CCDC88C: variants seen among roughly 807,000 people sequenced by gnomAD.
CCDC88C encodes coiled-coil and HOOK domain protein 88C.
A neutral mutation model predicts 198.8 loss-of-function variants in CCDC88C; 131 were observed. The ratio of observed to expected loss-of-function variants is 0.66; its 90% CI spans 0.57 to 0.76. CCDC88C has a LOEUF of 0.76. CCDC88C is among the 30% of genes least tolerant of loss of function. CCDC88C has a pLI of 0.00. For missense variants in CCDC88C, 2,553 were observed against 2,631.6 expected, an observed-to-expected ratio of 0.97 and a Z score of 0.65; for synonymous variants, 1,166 against 1,114.7, an observed-to-expected ratio of 1.05 and a Z score of -0.92.
At chr14:91,378,311 G>T (rs1884580429) in intron 3 of CCDC88C, among the ~76,000 whole-genome samples, 1 of 152,134 alleles carries the variant, frequency 6.6e-6, no homozygotes, top group African/African-American at 2.4e-5. Flanking sequence ...TGGAAAAGCA[G>T]ACTCCACCCC....
chr14:91,294,405 C>T lies in CCDC88C; in HGVS notation c.3967-87G>A. Reference sequence around the variant, plus strand: ...CCTAGCTCCCAAAGGAAGAAGGCCACTGCACAAAGATGTTCAACGCAGCAT... The same window carrying T: ...CCTAGCTCCCAAAGGAAGAAGGCCATTGCACAAAGATGTTCAACGCAGCAT... On this transcript the variant is annotated intron_variant, in intron 22 of 29. Transcript: ENST00000389857. The T allele has an allele frequency of 1.2e-5, 18 of 1,471,802 alleles. No individual in the cohort carries two copies. In the South Asian group the frequency reaches 2.0e-4, roughly 16 times the overall value. 91.2% of individuals were successfully genotyped at this position (1,471,802 alleles called of 1,614,324 possible). A position where few individuals can be genotyped will look rare whatever the true frequency, so the allele number is the denominator to read the frequency against.
At chr14:91,365,485 G>C (rs1003406091) in intron 3 of CCDC88C, among the ~76,000 whole-genome samples, 9 of 152,340 alleles carry the variant, frequency 5.9e-5, no homozygotes, top group Admixed American at 5.2e-4. Context: ...TAGGGGGACA[G>C]GCCGCCTCAT....
At chr14:91,304,632 A>G (rs931336555) in intron 19 of CCDC88C, among the ~76,000 whole-genome samples, 10 of 152,120 alleles carry the variant, frequency 6.6e-5, no homozygotes, top group African/African-American at 2.2e-4. Context: ...AGTATACAGA[A>G]TATCTGTAAA....
At chr14:91,309,149 A>G (rs543741732) in intron 16 of CCDC88C, among the ~76,000 whole-genome samples, 27 of 152,292 alleles carry the variant, frequency 1.8e-4, no homozygotes, top group African/African-American at 5.8e-4. Flanking sequence ...GAATCACTTA[A>G]AACCAGGAGG....
intron 10 of CCDC88C, among the ~76,000 whole-genome samples, chr14:91,327,936 T>C (rs1165785533): frequency 6.6e-6 from 1 of 152,214 alleles, no homozygotes; most frequent in East Asian, 1.9e-4. Flanking sequence ...GAGAATTCAC[T>C]GTGTCCCACC....
intron 4 of CCDC88C, among the ~76,000 whole-genome samples, chr14:91,348,054 A>G (rs923139885): frequency 6.6e-5 from 10 of 152,142 alleles, no homozygotes; most frequent in Non-Finnish European, 1.5e-4. Context: ...CACCCAGGCT[A>G]GAGTGCAGTG....
Position 91,339,625 on chromosome 14 carries a change from G to GGTGAAATATTTA in CCDC88C, c.625-175_625-164dup, listed in dbSNP as rs1191745969. 6.6e-6 allele frequency among the ~76,000 whole-genome samples: 1 copy of GGTGAAATATTTA among 152,218 alleles called. No individual in the cohort carries two copies. Among genetic ancestry groups the GGTGAAATATTTA allele is most frequent in the African/African-American group, 2.4e-5 (1 of 41,456 alleles). On this transcript the variant is annotated intron_variant, in intron 7 of 29. Coordinates refer to ENST00000389857, the MANE Select transcript of CCDC88C (RefSeq NM_001080414.4). This position sits in a 1 kb window ranked among gnomAD's most constrained non-coding sequence, Gnocchi z 5.8. ...AAGGCTGGCATGGGTTTTGAAAAGA[G>GGTGAAATATTTA]GTGAAATATTTAGTGAAACAAAAGG... is the stretch of plus-strand genomic sequence containing the variant.
chr14:91,343,526 C>A, intron 5 of CCDC88C, 73 bp downstream of exon 5: 1 of 1,592,684 alleles, frequency 6.3e-7, no homozygotes, highest in South Asian at 1.1e-5. Flanking sequence ...GCTAAGGGCT[C>A]GGTCAAGTCC....
chr14:91,279,261 T>C lies in CCDC88C; in HGVS notation c.4745A>G (p.Asn1582Ser). The C allele has an allele frequency of 3.7e-6, 6 of 1,601,844 alleles. No individual in the cohort carries two copies. The highest frequency in any genetic ancestry group is 2.3e-5 in the South Asian group (2 of 88,846). Residue 1582 changes from asparagine to serine, a missense_variant, in exon 28 of 30, where the codon AAC becomes AGC. By Grantham distance (46) the Asn-to-Ser change is conservative. Transcript: ENST00000389857. Reference protein sequence around the residue: ...SLESSRNTSSNSSPLNLKGSS... With the variant: ...SLESSRNTSSSSSPLNLKGSS... ...ACCTTTTAGGTTAAGAGGTGAGCTG[T>C]TGCTGGATGTGTTTCTACTGCTCTC...
At chr14:91,392,308 A>C (rs1885554681) in intron 3 of CCDC88C, among the ~76,000 whole-genome samples, 1 of 152,152 alleles carries the variant, frequency 6.6e-6, no homozygotes, top group Non-Finnish European at 1.5e-5. Context: ...ACAAAACAAA[A>C]GCAACAACAA....
In CCDC88C at chr14:91,294,284, T is replaced by A; in HGVS notation, c.4001A>T (p.Glu1334Val). Residue 1334 changes from glutamate (E) to valine (V), a missense_variant, in exon 23 of 30, where the codon GAA (glutamate) becomes GTA (valine). By Grantham distance (121) the Glu-to-Val change is moderately radical. This residue lies in a region of CCDC88C where 1,293 missense variants were observed against 1,219.6 expected (regional missense o/e 1.06). Coordinates refer to ENST00000389857, the MANE Select transcript of CCDC88C (RefSeq NM_001080414.4). ...LSRLKGNLEEENHHLLSQIQL... is the reference protein window; with the variant it reads ...LSRLKGNLEEVNHHLLSQIQL... ...GATCTGGCTCAGGAGGTGATGATTT[T>A]CTTCCTCCAAGTTCCCCTTGAGACG... 1 of 1,614,028 alleles carries A rather than the reference T, an allele frequency of 6.2e-7. No individual in the cohort carries two copies. The highest frequency in any genetic ancestry group is 8.5e-7 in the Non-Finnish European group (1 of 1,179,892).
In CCDC88C at chr14:91,272,528, A is replaced by G; in HGVS notation, c.*97T>C. ...GTGGGAACCCCTTTCCTCATTCCAA[A>G]CCCTCTCCTGGCACCGCAGGCAAGC... On this transcript the variant is annotated 3_prime_UTR_variant, in exon 30 of 30. Coordinates refer to ENST00000389857, the MANE Select transcript of CCDC88C (RefSeq NM_001080414.4). 1 of 1,310,412 alleles carries G rather than the reference A, an allele frequency of 7.6e-7. No individual in the cohort carries two copies. Among genetic ancestry groups the G allele is most frequent in the Admixed American group, 2.1e-5 (1 of 48,486 alleles). 81.2% of individuals were successfully genotyped at this position (1,310,412 alleles called of 1,614,324 possible). A position where few individuals can be genotyped will look rare whatever the true frequency, so the allele number is the denominator to read the frequency against.
chr14:91,401,099 G>A (rs948643992), intron 3 of CCDC88C, among the ~76,000 whole-genome samples: 3 of 151,334 alleles, frequency 2.0e-5, no homozygotes, highest in Admixed American at 6.6e-5. Flanking sequence ...ATAATGATAC[G>A]AGCCACACTT....
chr14:91,375,601 C>G (rs982680449), intron 3 of CCDC88C, among the ~76,000 whole-genome samples: 2 of 152,120 alleles, frequency 1.3e-5, no homozygotes, highest in African/African-American at 4.8e-5. Flanking sequence ...CTCTGGCTTC[C>G]CCGCAGGGCC....
intron 13 of CCDC88C, among the ~76,000 whole-genome samples, chr14:91,317,466 T>C (rs1892149824): frequency 6.6e-6 from 1 of 152,206 alleles, no homozygotes; most frequent in African/African-American, 2.4e-5. Flanking sequence ...ACAGCCTGCC[T>C]CCTGCTGGTG....
chr14:91,343,794 A>G, intron 4 of CCDC88C, 137 bp from the exon 5 acceptor site: 1 of 962,720 alleles, frequency 1.0e-6, no homozygotes, highest in African/African-American at 1.6e-5. Context: ...TACACACTCC[A>G]TCGATCTTCC....
chr14:91,290,269 C>G (rs1322100707), intron 24 of CCDC88C, among the ~76,000 whole-genome samples: 1 of 152,122 alleles, frequency 6.6e-6, no homozygotes, highest in Non-Finnish European at 1.5e-5. Context: ...GAGACTCCGT[C>G]TCAAAACAAA....
rs541215322 is a variant in CCDC88C, at chr14:91,298,207, G to A, written c.3780-716C>T. On this transcript the variant is annotated intron_variant, in intron 21 of 29. Transcript: ENST00000389857. ...CCCAGCACTCTGGGAGGCTGAGGAG[G>A]GAGGATCGCTTGAGGCCAGTTCCAC... Among the ~76,000 whole-genome samples, 6 of 152,214 alleles carry A rather than the reference G, an allele frequency of 3.9e-5. No individual in the cohort carries two copies. In the South Asian group the frequency reaches 1.0e-3, roughly 26 times the overall value.
intron 10 of CCDC88C, among the ~76,000 whole-genome samples, chr14:91,331,944 G>A (rs1045856259): frequency 1.9e-4 from 29 of 151,998 alleles, no homozygotes; most frequent in African/African-American, 6.3e-4. Flanking sequence ...TGCCCAGCTA[G>A]GTCTCTGCCC....
Sources: allele counts gnomAD v4.1 joint callset (sites outside exome capture counted in the v4.1 genomes callset), GRCh38; gene constraint gnomAD v4.1.1; regional missense constraint gnomAD v4.1.1; non-coding constraint Gnocchi (gnomAD v3.1); transcripts MANE v1.5; gene names NCBI Gene and HGNC (gene_info 2026-07-23, HGNC 2026-07-21).